Variants in RAPH1 observed in about 807,000 individuals in gnomAD.
The protein encoded by RAPH1 is ras-associated and pleckstrin homology domains-containing protein 1.
Under a neutral mutation model 88.1 loss-of-function variants are expected in RAPH1, and 18 were observed. That is an observed-to-expected ratio of 0.20 (90% CI 0.14 to 0.30). The LOEUF (loss-of-function observed/expected upper bound fraction) is 0.30. RAPH1 is among the 10% of genes least tolerant of loss of function. The pLI is 1.00. For synonymous variants in RAPH1, 587 were observed against 559.0 expected, an observed-to-expected ratio of 1.05 and a Z score of -0.71; for missense variants, 1,448 against 1,543.2, an observed-to-expected ratio of 0.94 and a Z score of 1.03.
intron 1 of RAPH1, among the ~76,000 whole-genome samples, chr2:203,524,020 A>G (rs544162363): frequency 2.6e-5 from 4 of 152,350 alleles, no homozygotes; most frequent in African/African-American, 4.8e-5. Context: ...AAAAAATAAA[A>G]AAGACAAGCT....
chr2:203,455,415 A>C (rs1486920045), intron 9 of RAPH1, 22 bp downstream of exon 9: 2 of 1,603,948 alleles, frequency 1.2e-6, no homozygotes, highest in Non-Finnish European at 8.5e-7. Context: ...AGGAAGTTCA[A>C]ATTCCAACAG....
At chr2:203,481,568 A>AATATATATAT (rs60650703) in intron 4 of RAPH1, among the ~76,000 whole-genome samples, 126 of 138,092 alleles carry the variant, frequency 9.1e-4, no homozygotes, top group East Asian at 2.1e-3. Flanking sequence ...TAAATAGATG[A>AATATATATAT]ATATATATAT....
At chr2:203,499,663 A>AG (rs1162002349) in intron 1 of RAPH1, among the ~76,000 whole-genome samples, 1 of 152,208 alleles carries the variant, frequency 6.6e-6, no homozygotes, top group Non-Finnish European at 1.5e-5. Flanking sequence ...CAGTGAGCCA[A>AG]GATCGTGCCA....
intron 1 of RAPH1, among the ~76,000 whole-genome samples, chr2:203,521,796 A>C (rs1689886009): frequency 6.6e-6 from 1 of 152,190 alleles, no homozygotes; most frequent in African/African-American, 2.4e-5. Flanking sequence ...TTAAATAACT[A>C]AATTGTGCAT....
Position 203,441,183 on chromosome 2 carries a change from T to C in RAPH1, c.2007A>G (p.Thr669=), listed in dbSNP as rs749241916. The C allele has an allele frequency of 3.7e-6, 6 of 1,610,202 alleles. No homozygotes were observed. The highest frequency in any genetic ancestry group is 1.4e-5 in the African/African-American group (1 of 74,066). The change falls in exon 14 of 14, where the codon ACA becomes ACG. Residue 669 remains threonine (T), a synonymous_variant. Transcript: ENST00000319170. The part of the protein sequence containing the change: ...SAAPMFVKYS[T]ITRLQNASQH... ...GAGACGCATTCTGTAGCCGTGTTATTGTGCTGTACTTGACGAACATTGGGG... is the reference window on the plus strand; with the variant it reads ...GAGACGCATTCTGTAGCCGTGTTATCGTGCTGTACTTGACGAACATTGGGG...
At chr2:203,515,543 T>C (rs1177886205) in intron 1 of RAPH1, among the ~76,000 whole-genome samples, 1 of 152,226 alleles carries the variant, frequency 6.6e-6, no homozygotes. Context: ...CTGTTTGGTA[T>C]GCATTGCCAG....
At chr2:203,522,858 T>C (rs991277192) in intron 1 of RAPH1, among the ~76,000 whole-genome samples, 4 of 131,126 alleles carry the variant, frequency 3.1e-5, no homozygotes, top group African/African-American at 1.2e-4. Context: ...ATCACGTTAC[T>C]GCACTCTAGC....
Position 203,439,936 on chromosome 2 carries a change from G to T in RAPH1, c.3254C>A (p.Pro1085His). The T allele has an allele frequency of 6.2e-7, 1 of 1,613,866 alleles. No individual in the cohort carries two copies. Among genetic ancestry groups the T allele is most frequent in the Non-Finnish European group, 8.5e-7 (1 of 1,180,014 alleles). The change falls in exon 14 of 14, where the codon CCC becomes CAC. Residue 1085 changes from proline (P) to histidine (H), a missense_variant. By Grantham distance (77) the Pro-to-His change is moderately conservative (BLOSUM62 -2). Coordinates refer to ENST00000319170, the MANE Select transcript of RAPH1 (RefSeq NM_213589.3). ...PPPPETELPL[P>H]PIEIPAVFSG... ...GAAAACTGCTGGAATCTCAATGGGG[G>T]GCAGAGGAAGCTCTGTTTCAGGTGG...
chr2:203,487,730 T>C (rs772635501), intron 4 of RAPH1, among the ~76,000 whole-genome samples: 2 of 152,166 alleles, frequency 1.3e-5, no homozygotes, highest in Non-Finnish European at 2.9e-5. Context: ...ACCACTTAGA[T>C]AAGTTTCATT....
intron 13 of RAPH1, chr2:203,441,615 A>C: frequency 2.2e-6 from 3 of 1,343,542 alleles, no homozygotes; most frequent in Non-Finnish European, 9.5e-7. Flanking sequence ...AGGAAACAGA[A>C]AACTTGTTTT....
At chr2:203,456,087 C>G (rs897608538) in intron 8 of RAPH1, among the ~76,000 whole-genome samples, 3 of 152,160 alleles carry the variant, frequency 2.0e-5, no homozygotes, top group Non-Finnish European at 4.4e-5. Flanking sequence ...GAATTTGGAA[C>G]TACTATGGCA....
In RAPH1 at chr2:203,440,431, G is replaced by C. The variant is rs757245285; in HGVS notation, c.2759C>G (p.Pro920Arg). ...PVPSPDFPPP[P>R]PESSLVFPPP... Reference sequence around the variant, plus strand: ...AGGAAACACCAGGCTGCTTTCAGGAGGGGGAGGAGGGAAGTCCGGAGAAGG... The same window carrying C: ...AGGAAACACCAGGCTGCTTTCAGGACGGGGAGGAGGGAAGTCCGGAGAAGG... The change falls in exon 14 of 14, where the codon CCT (proline) becomes CGT (arginine). Residue 920 changes from proline to arginine, a missense_variant. Around this residue, in one of 2 missense-constraint regions of RAPH1, gnomAD observed 935 missense variants for 890.1 expected, o/e 1.05. Transcript: ENST00000319170. 3 of 1,548,550 alleles carry C rather than the reference G, an allele frequency of 1.9e-6. No homozygotes were observed. The highest frequency in any genetic ancestry group is 2.5e-5 in the South Asian group (2 of 80,080).
chr2:203,457,439 CTCCCGAAG>C, intron 8 of RAPH1, 83 bp downstream of exon 8: 1 of 979,986 alleles, frequency 1.0e-6, no homozygotes, highest in Non-Finnish European at 1.6e-6. Flanking sequence ...TCACCTCAGC[CTCCCGAAG>C]TGTTGGGATT....
At chr2:203,477,748 AT>A (rs1687528710) in intron 4 of RAPH1, among the ~76,000 whole-genome samples, 2 of 152,064 alleles carry the variant, frequency 1.3e-5, no homozygotes, top group Non-Finnish European at 2.9e-5. Context: ...GATCCCATTC[AT>A]TTCCCCCTCC....
intron 7 of RAPH1, among the ~76,000 whole-genome samples, chr2:203,458,284 G>A (rs912991295): frequency 2.6e-4 from 40 of 152,180 alleles, no homozygotes; most frequent in African/African-American, 7.9e-4. Context: ...TAGGAGAATC[G>A]CTTGGAGGCG....
chr2:203,440,092 G>A lies in RAPH1; in HGVS notation c.3098C>T (p.Ser1033Phe). 1 of 1,613,592 alleles carries A rather than the reference G, an allele frequency of 6.2e-7. No individual in the cohort carries two copies. Among genetic ancestry groups the A allele is most frequent in the Non-Finnish European group, 8.5e-7 (1 of 1,180,006 alleles). ...APPKPGKLNL[S>F]GVNLPGVLQQ... Reference sequence around the variant, plus strand: ...GAGAACTCCAGGAAGGTTGACTCCAGAAAGATTGAGTTTTCCAGGCTTGGG... The same window carrying A: ...GAGAACTCCAGGAAGGTTGACTCCAAAAAGATTGAGTTTTCCAGGCTTGGG... The change falls in exon 14 of 14, where the codon TCT becomes TTT. Residue 1033 changes from serine to phenylalanine, a missense_variant. Around this residue, in one of 2 missense-constraint regions of RAPH1, gnomAD observed 935 missense variants for 890.1 expected, o/e 1.05. Transcript: ENST00000319170.
At chr2:203,528,998 T>C (rs1387213966) in intron 1 of RAPH1, among the ~76,000 whole-genome samples, 2 of 90,470 alleles carry the variant, frequency 2.2e-5, no homozygotes, top group East Asian at 2.8e-4. Flanking sequence ...TATATATATA[T>C]ATATATATTT....
At position 203,436,513 on chromosome 2, in the gene RAPH1, TG is replaced by T. The variant is rs2098498657; in HGVS notation, c.*2923del. 6.6e-6 allele frequency: 1 copy of T among 152,248 alleles called. No homozygotes were observed. Among genetic ancestry groups the T allele is most frequent in the South Asian group, 2.1e-4 (1 of 4,838 alleles). 9.4% of individuals were successfully genotyped at this position (152,248 alleles called of 1,614,324 possible). A position where few individuals can be genotyped will look rare whatever the true frequency, so the allele number is the denominator to read the frequency against. ...AATAGATTCTGCTGCCCTACAGCAT[TG>T]GTGCCAAAACTCTAAGCATAGAGTG... On this transcript the variant is annotated 3_prime_UTR_variant, in exon 14 of 14. Transcript: ENST00000319170.
In RAPH1 at chr2:203,437,348, A is replaced by G. The variant is rs374607932; in HGVS notation, c.*2089T>C. 1.3e-5 allele frequency: 2 copies of G among 152,188 alleles called. No individual in the cohort carries two copies. 9.4% of individuals were successfully genotyped at this position (152,188 alleles called of 1,614,324 possible). On this transcript the variant is annotated 3_prime_UTR_variant, in exon 14 of 14. Transcript: ENST00000319170. ...TGAATACTTTGATAACTGGATTCATATTCTTACTAACTCTAACCCACAAAT... is the reference window on the plus strand; with the variant it reads ...TGAATACTTTGATAACTGGATTCATGTTCTTACTAACTCTAACCCACAAAT...
Sources: gnomAD v4.1 joint callset for allele counts (sites outside exome capture counted in the v4.1 genomes callset) on GRCh38, gnomAD v4.1.1 for gene constraint, gnomAD v4.1.1 regional missense constraint, MANE v1.5 for transcripts, NCBI Gene and HGNC (gene_info 2026-07-23, HGNC 2026-07-21) for gene names.